The following BRD1 variants were observed in gnomAD, a reference collection of about 807,000 sequenced individuals.
BRD1 encodes bromodomain containing 1.
A neutral mutation model predicts 107.7 loss-of-function variants in BRD1; 24 were observed. The ratio of observed to expected loss-of-function variants is 0.22; its 90% CI spans 0.16 to 0.31. The LOEUF (loss-of-function observed/expected upper bound fraction) is 0.31, where lower values mean the gene tolerates loss of function less well. BRD1 is among the 10% of genes least tolerant of loss of function. The pLI is 1.00. For missense variants in BRD1, 1,279 were observed against 1,638.6 expected, an observed-to-expected ratio of 0.78 and a Z score of 3.79; for synonymous variants, 744 against 686.1, an observed-to-expected ratio of 1.08 and a Z score of -1.32.
intron 9 of BRD1, 51 bp downstream of exon 9, chr22:49,777,627 C>T (rs56244016): frequency 0.076 from 119,683 of 1,576,744 alleles, 5,434 homozygotes; most frequent in South Asian, 0.17. Context: ...CCAGGCGGGG[C>T]GGGCGGTGCT....
At chr22:49,817,056 G>A (rs751255273) in intron 2 of BRD1, among the ~76,000 whole-genome samples, 1 of 152,220 alleles carries the variant, frequency 6.6e-6, no homozygotes, top group Non-Finnish European at 1.5e-5. Context: ...GTTCCCAAAT[G>A]AGTTCCCACT....
At chr22:49,826,168 T>C in intron 1 of BRD1, 1 of 985,360 alleles carries the variant, frequency 1.0e-6, no homozygotes, top group Non-Finnish European at 1.2e-6. Flanking sequence ...GAAACGAACC[T>C]GTCATTTTCC....
chr22:49,782,233 T>C (rs1177466309), intron 8 of BRD1, among the ~76,000 whole-genome samples: 8 of 137,570 alleles, frequency 5.8e-5, no homozygotes, highest in South Asian at 2.4e-4. Context: ...ACCCGCTCCG[T>C]GACAATGCAG....
rs746423037 is a variant in BRD1, at chr22:49,787,465, G to T, written c.2782C>A (p.Pro928Thr). ...CATGTGCTCCGCGACCTTTTCCTTG[G>T]CTGCAGAAGAGTCTCCAACCTCGGA... is the stretch of plus-strand genomic sequence containing the variant. ...VLPRLETLLQPRKRSRSTCGD... is the reference protein window; with the variant it reads ...VLPRLETLLQTRKRSRSTCGD... Residue 928 changes from proline to threonine, a missense_variant, in exon 8 of 13, where the codon CCA (proline) becomes ACA (threonine). Around this residue, in one of 7 missense-constraint regions of BRD1, gnomAD observed 263 missense variants for 251.6 expected, o/e 1.05. Transcript: ENST00000404760. 2 of 1,614,094 alleles carry T rather than the reference G, an allele frequency of 1.2e-6. No individual in the cohort carries two copies. Among genetic ancestry groups the T allele is most frequent in the East Asian group, 4.5e-5 (2 of 44,888 alleles).
Position 49,822,935 on chromosome 22 carries a change from G to A in BRD1, c.1367+16C>T. ...ACTGCAGGCTCCTTGTGGACTCAAT[G>A]CTTGGACACGCTTACCTCTGCGGGG... On this transcript the variant is annotated intron_variant, in intron 2 of 12. Coordinates refer to ENST00000404760, the MANE Select transcript of BRD1 (RefSeq NM_001304808.3). 6.2e-7 allele frequency: 1 copy of A among 1,610,944 alleles called. No homozygotes were observed. The highest frequency in any genetic ancestry group is 8.5e-7 in the Non-Finnish European group (1 of 1,177,916).
intron 6 of BRD1, among the ~76,000 whole-genome samples, chr22:49,794,592 AGGCTGCCTGTGCAGACAGCCT>A (rs2059495931): frequency 6.6e-6 from 1 of 152,198 alleles, no homozygotes; most frequent in South Asian, 2.1e-4. Context: ...GGACCCACTG[AGGCTGCCTGTGCAGACAGCCT>A]GGCTGCCTGG....
At chr22:49,789,724 C>G (rs1413267772) in intron 7 of BRD1, among the ~76,000 whole-genome samples, 1 of 152,210 alleles carries the variant, frequency 6.6e-6, no homozygotes, top group Non-Finnish European at 1.5e-5. Flanking sequence ...CTAACGGGCA[C>G]CGTAAACCCC....
chr22:49,814,535 C>G (rs2059913858), intron 2 of BRD1, among the ~76,000 whole-genome samples: 1 of 152,264 alleles, frequency 6.6e-6, no homozygotes, highest in Non-Finnish European at 1.5e-5. Flanking sequence ...CTGGGATCCT[C>G]TCCGACGGGG....
At chr22:49,793,393 CATTT>C (rs1175393751) in intron 7 of BRD1, among the ~76,000 whole-genome samples, 2 of 152,160 alleles carry the variant, frequency 1.3e-5, no homozygotes, top group African/African-American at 2.4e-5. Flanking sequence ...TCTTCTCCTA[CATTT>C]ATTTCTTAGT....
rs1037606672 is a variant in BRD1 at position 49,803,025 on chromosome 22, C to T, written c.1524+1179G>A. ...AGTGGGGCAACCCAGGTGGACGGCACGGGAGACCTGGAATATTCCACAGCC... is the reference window on the plus strand; with the variant it reads ...AGTGGGGCAACCCAGGTGGACGGCATGGGAGACCTGGAATATTCCACAGCC... On this transcript the variant is annotated intron_variant, in intron 3 of 12. Coordinates refer to ENST00000404760, the MANE Select transcript of BRD1 (RefSeq NM_001304808.3). This position sits in a 1 kb window ranked among gnomAD's most constrained non-coding sequence, Gnocchi z 4.4. Among the ~76,000 whole-genome samples the T allele has an allele frequency of 2.0e-5, 3 of 152,214 alleles. No individual in the cohort carries two copies. Among genetic ancestry groups the T allele is most frequent in the Non-Finnish European group, 4.4e-5 (3 of 68,036 alleles).
rs1346921505 is a variant in BRD1 at position 49,823,874 on chromosome 22, C to G, written c.444G>C (p.Glu148Asp). 1 of 1,614,246 alleles carries G rather than the reference C, an allele frequency of 6.2e-7. No homozygotes were observed. The highest frequency in any genetic ancestry group is 1.1e-5 in the South Asian group (1 of 91,090). ...VYYKFIEKSA[E>D]ELDNEVEYDM... ...CATACTCCACCTCGTTGTCCAGTTCCTCGGCCGACTTCTCGATGAACTTGT... is the reference window on the plus strand; with the variant it reads ...CATACTCCACCTCGTTGTCCAGTTCGTCGGCCGACTTCTCGATGAACTTGT... The change falls in exon 2 of 13, where the codon GAG becomes GAC. Residue 148 changes from glutamate (E) to aspartate (D), a missense_variant. Physicochemically the swap from Glu to Asp is conservative, Grantham distance 45. Transcript: ENST00000404760.
chr22:49,794,419 CAGGCCCTGCTCACCAG>C, intron 6 of BRD1, 125 bp from the exon 7 acceptor site: 2 of 1,288,824 alleles, frequency 1.6e-6, no homozygotes, highest in Admixed American at 4.5e-5. Context: ...CAACGAGGCC[CAGGCCCTGCTCACCAG>C]AGGCCCCTCC....
intron 7 of BRD1, among the ~76,000 whole-genome samples, chr22:49,788,149 C>T (rs2059365152): frequency 6.6e-6 from 1 of 152,184 alleles, no homozygotes; most frequent in African/African-American, 2.4e-5. Flanking sequence ...GATTATTTCA[C>T]ATGCGCCAAT....
In BRD1 at chr22:49,802,655, G is replaced by A. The variant is rs944562522; in HGVS notation, c.1524+1549C>T. On this transcript the variant is annotated intron_variant, in intron 3 of 12. Coordinates refer to ENST00000404760, the MANE Select transcript of BRD1 (RefSeq NM_001304808.3). ...TCCTTTCCCCAACATCGCGGGGGCC[G>A]AGACCAATGCCTCCACTCTCTTCCT... Among the ~76,000 whole-genome samples, 5 of 140,028 alleles carry A rather than the reference G, an allele frequency of 3.6e-5. No individual in the cohort carries two copies. The Admixed American group carries it at 3.6e-4, about 10-fold the overall frequency. The allele number at this position is 140,028 out of a possible 152,430, so 91.9% of individuals were successfully genotyped here. A position where few individuals can be genotyped will look rare whatever the true frequency, so the allele number is the denominator to read the frequency against.
At chr22:49,798,224 AC>A in intron 5 of BRD1, 107 bp from the exon 6 acceptor site, 1 of 1,151,736 alleles carries the variant, frequency 8.7e-7, no homozygotes, top group Non-Finnish European at 1.2e-6. Flanking sequence ...TCTGAGAGCC[AC>A]ACACAGACAC....
At position 49,798,688 on chromosome 22, in the gene BRD1, T is replaced by TG. The variant is rs760504777; in HGVS notation, c.1657-3dup. The TG allele has an allele frequency of 1.2e-5, 19 of 1,597,726 alleles. No individual in the cohort carries two copies. Among genetic ancestry groups the TG allele is most frequent in the Admixed American group, 3.4e-5 (2 of 58,422 alleles). On this transcript the variant is annotated splice_region_variant and splice_polypyrimidine_tract_variant and intron_variant, in intron 4 of 12. Coordinates refer to ENST00000404760, the MANE Select transcript of BRD1 (RefSeq NM_001304808.3). ...CATGGCGACCTGCTCCACCTTCACC[T>TG]GGGGGGGCCCAGCAGAGCCTCAGCT... is the stretch of plus-strand genomic sequence containing the variant.
Position 49,790,325 on chromosome 22 carries a change from T to C in BRD1, c.2360-2438A>G, listed in dbSNP as rs557610070. Among the ~76,000 whole-genome samples the C allele has an allele frequency of 5.3e-5, 8 of 152,224 alleles. No individual in the cohort carries two copies. In the South Asian group the frequency reaches 6.2e-4, roughly 12 times the overall value. On this transcript the variant is annotated intron_variant, in intron 7 of 12. Transcript: ENST00000404760. ...CCTCGAGTGGAAATGTGACTGGAAG[T>C]TGACATACAAGAAGGAAGACTCCTC... is the stretch of plus-strand genomic sequence containing the variant.
chr22:49,826,245 G>C (rs922238634), intron 1 of BRD1: 2 of 985,324 alleles, frequency 2.0e-6, no homozygotes, highest in South Asian at 4.7e-5. Context: ...CTCTCCCAGG[G>C]AGCCGTGAAG....
intron 7 of BRD1, among the ~76,000 whole-genome samples, 151 bp from the exon 8 acceptor site, chr22:49,788,038 G>A (rs1158130481): frequency 1.3e-5 from 2 of 152,234 alleles, no homozygotes; most frequent in East Asian, 1.9e-4. Flanking sequence ...TGTGGGCCCC[G>A]TGGGCTCGGG....
Sources: allele counts gnomAD v4.1 joint callset (sites outside exome capture counted in the v4.1 genomes callset), GRCh38; gene constraint gnomAD v4.1.1; regional missense constraint gnomAD v4.1.1; non-coding constraint Gnocchi (gnomAD v3.1); transcripts MANE v1.5; gene names NCBI Gene and HGNC (gene_info 2026-07-23, HGNC 2026-07-21).